LRRC4C: variants seen among roughly 807,000 people sequenced by gnomAD.
The protein encoded by LRRC4C is leucine-rich repeat-containing protein 4C.
LRRC4C carries 5 observed loss-of-function variants against 33.6 expected under a neutral mutation model. The observed-to-expected ratio is 0.15, with a 90% CI of 0.08 to 0.31. The LOEUF is 0.31. Ranked by LOEUF, LRRC4C falls within the 10% of genes least tolerant of loss-of-function variation. LRRC4C has a pLI of 1.00. For synonymous variants in LRRC4C, 329 were observed against 302.0 expected (o/e 1.09, Z -0.93); for missense variants, 560 against 796.7 (o/e 0.70, Z 3.58).
At chr11:41,242,361 G>T (rs1011008822) in intron 1 of LRRC4C, among the ~76,000 whole-genome samples, 3 of 151,966 alleles carry the variant, frequency 2.0e-5, no homozygotes, top group African/African-American at 7.3e-5. Context: ...TCTTTGCTTT[G>T]AAATTTTTCA....
At chr11:40,116,437 G>A in intron 6 of LRRC4C, 103 bp from the exon 7 acceptor site, 6 of 1,206,898 alleles carry the variant, frequency 5.0e-6, no homozygotes, top group Non-Finnish European at 6.8e-6. Flanking sequence ...AAGCCATCAT[G>A]TGTGAGACAA....
rs1857525894 is a variant in LRRC4C at position 41,042,928 on chromosome 11, G to A, written c.-495-109205C>T. ...GGCATAGATAGTAATTGTGAACCAT[G>A]AGGCAATTACTAGATGAAAGGAGGC... On this transcript the variant is annotated intron_variant, in intron 1 of 6. Coordinates refer to ENST00000528697, the MANE Select transcript of LRRC4C (RefSeq NM_001258419.2). 1.3e-5 allele frequency among the ~76,000 whole-genome samples: 2 copies of A among 150,930 alleles called. 1 individual carries two copies. Among genetic ancestry groups the A allele is most frequent in the South Asian group, 4.2e-4 (2 of 4,784 alleles).
intron 3 of LRRC4C, among the ~76,000 whole-genome samples, chr11:40,531,613 A>C (rs10437644): frequency 0.088 from 13,352 of 152,122 alleles, 1,662 homozygotes; most frequent in African/African-American, 0.28. Flanking sequence ...AGTAAATATC[A>C]CTTTTTGCCT....
At chr11:41,105,931 T>A (rs544475038) in intron 1 of LRRC4C, among the ~76,000 whole-genome samples, 3 of 152,294 alleles carry the variant, frequency 2.0e-5, no homozygotes, top group African/African-American at 4.8e-5. Flanking sequence ...TCTCTCTTTT[T>A]ATCAAGTACT....
intron 4 of LRRC4C, among the ~76,000 whole-genome samples, chr11:40,291,930 G>C (rs1449085619): frequency 6.7e-6 from 1 of 150,318 alleles, no homozygotes; most frequent in African/African-American, 2.5e-5. Context: ...TTCTTGGGGA[G>C]CTTTTTTTTT....
chr11:40,989,106 A>C (rs546226207), intron 1 of LRRC4C, among the ~76,000 whole-genome samples: 1 of 152,236 alleles, frequency 6.6e-6, no homozygotes, highest in South Asian at 2.1e-4. Flanking sequence ...CACCTTCCGT[A>C]TAACCTATGC....
At chr11:40,180,600 A>T (rs994569125) in intron 5 of LRRC4C, among the ~76,000 whole-genome samples, 1 of 152,096 alleles carries the variant, frequency 6.6e-6, no homozygotes, top group Middle Eastern at 3.2e-3. Context: ...CTAGCCCCCA[A>T]TTTTATCACA....
chr11:40,740,633 G>A (rs762086214), intron 2 of LRRC4C, among the ~76,000 whole-genome samples: 1 of 151,958 alleles, frequency 6.6e-6, no homozygotes, highest in South Asian at 2.1e-4. Context: ...AAACGTTTTA[G>A]TTTTATGCAG....
chr11:40,549,034 C>G (rs1023663048), intron 3 of LRRC4C, among the ~76,000 whole-genome samples: 1 of 152,086 alleles, frequency 6.6e-6, no homozygotes, highest in Non-Finnish European at 1.5e-5. Context: ...ATATTAAAAT[C>G]CAAATGTGTT....
chr11:40,455,863 C>A (rs903325154), intron 3 of LRRC4C, among the ~76,000 whole-genome samples: 2 of 151,972 alleles, frequency 1.3e-5, no homozygotes, highest in African/African-American at 4.8e-5. Flanking sequence ...CTCATTTTAT[C>A]TTCAAATTTT....
intron 5 of LRRC4C, among the ~76,000 whole-genome samples, chr11:40,226,365 C>G (rs116993496): frequency 6.6e-6 from 1 of 152,172 alleles, no homozygotes; most frequent in Non-Finnish European, 1.5e-5. Flanking sequence ...TCTACAAAGC[C>G]TCAATACCAC....
intron 1 of LRRC4C, among the ~76,000 whole-genome samples, chr11:41,150,817 AAAATAAAT>A: frequency 6.6e-6 from 1 of 151,104 alleles, no homozygotes; most frequent in East Asian, 1.9e-4. Flanking sequence ...AAAATAAAAT[AAAATAAAT>A]AAAGTAACAT....
intron 1 of LRRC4C, among the ~76,000 whole-genome samples, chr11:41,208,057 C>T (rs1255161193): frequency 6.6e-6 from 1 of 152,060 alleles, no homozygotes; most frequent in Admixed American, 6.5e-5. Flanking sequence ...GAGAAAGTAT[C>T]ACCTTAGAGA....
intron 1 of LRRC4C, among the ~76,000 whole-genome samples, chr11:40,984,364 AAAGAAAG>A (rs1852792635): frequency 5.5e-5 from 1 of 18,280 alleles, no homozygotes; most frequent in Admixed American, 4.7e-4. Context: ...AAGAAAGAAA[AAAGAAAG>A]AAAGAAAGAA....
chr11:40,600,880 C>A lies in LRRC4C; in HGVS notation c.-270+47262G>T, dbSNP rs1326563663. 2.5e-4 allele frequency among the ~76,000 whole-genome samples: 3 copies of A among 12,102 alleles called. No individual in the cohort carries two copies. The Non-Finnish European group carries it at 0.019, about 75-fold the overall frequency. 7.9% of individuals were successfully genotyped at this position (12,102 alleles called of 152,430 possible). A position where few individuals can be genotyped will look rare whatever the true frequency, so the allele number is the denominator to read the frequency against. ...ATATCACCCTGTTTATACATATCCC[C>A]ATAAATATGAGGAATCACATACAAT... On this transcript the variant is annotated intron_variant, in intron 3 of 6. Transcript: ENST00000528697.
intron 3 of LRRC4C, among the ~76,000 whole-genome samples, chr11:40,366,446 T>C (rs1948211962): frequency 6.6e-6 from 1 of 152,036 alleles, no homozygotes; most frequent in Non-Finnish European, 1.5e-5. Context: ...GGGTTGAATA[T>C]TGTACTGGGA....
chr11:41,030,135 A>G (rs1856626874), intron 1 of LRRC4C, among the ~76,000 whole-genome samples: 1 of 151,888 alleles, frequency 6.6e-6, no homozygotes, highest in Non-Finnish European at 1.5e-5. Context: ...TGTAAGAAAA[A>G]ATATGCATAA....
intron 2 of LRRC4C, among the ~76,000 whole-genome samples, chr11:40,901,257 G>A (rs1478314718): frequency 6.6e-6 from 1 of 152,028 alleles, no homozygotes; most frequent in Non-Finnish European, 1.5e-5. Flanking sequence ...TCTTGAATAT[G>A]TTTAATTGTC....
intron 1 of LRRC4C, among the ~76,000 whole-genome samples, chr11:40,984,725 G>C (rs1852862542): frequency 6.6e-6 from 1 of 151,958 alleles, no homozygotes; most frequent in African/African-American, 2.4e-5. Flanking sequence ...ATTGGAGTAT[G>C]ATAAAAATTT....
Sources: gnomAD v4.1 joint callset for allele counts (sites outside exome capture counted in the v4.1 genomes callset) on GRCh38, gnomAD v4.1.1 for gene constraint, MANE v1.5 for transcripts, NCBI Gene and HGNC (gene_info 2026-07-23, HGNC 2026-07-21) for gene names.